WWOX: variants seen among roughly 807,000 people sequenced by gnomAD.
WWOX encodes the protein WW domain-containing oxidoreductase.
In WWOX, 69 loss-of-function variants were observed where a neutral mutation model predicts 46.2. That is an observed-to-expected ratio of 1.49 (90% CI 1.23 to 1.82). The LOEUF is 1.82. Ranked by LOEUF, WWOX falls within the 40% of genes most tolerant of loss-of-function variation. WWOX has a pLI of 0.00. For synonymous variants in WWOX, 359 were observed against 202.6 expected (o/e 1.77, Z -6.56); for missense variants, 919 against 542.6 (o/e 1.69, Z -6.89).
chr16:78,334,833 T>TACACACACACAC (rs907694061), intron 5 of WWOX, among the ~76,000 whole-genome samples: 7 of 104,454 alleles, frequency 6.7e-5, no homozygotes, highest in African/African-American at 1.2e-4. Context: ...CACACACACA[T>TACACACACACAC]ACACACACAC....
At chr16:78,771,303 T>C (rs2161719) in intron 8 of WWOX, among the ~76,000 whole-genome samples, 123,572 of 152,090 alleles carry the variant, frequency 0.81, 50,976 homozygotes, top group Middle Eastern at 0.93. Context: ...TAGGAAGCTA[T>C]CACAGTGATC....
chr16:78,603,701 A>T (rs1325576035), intron 8 of WWOX, among the ~76,000 whole-genome samples: 1 of 152,132 alleles, frequency 6.6e-6, no homozygotes, highest in Non-Finnish European at 1.5e-5. Context: ...CAAAATAAGT[A>T]AATAAATATA....
At chr16:78,689,840 A>G (rs748749513) in intron 8 of WWOX, among the ~76,000 whole-genome samples, 1 of 152,092 alleles carries the variant, frequency 6.6e-6, no homozygotes, top group Non-Finnish European at 1.5e-5. Flanking sequence ...ACAAATGTCA[A>G]GGTAACTTTG....
intron 8 of WWOX, chr16:78,825,207 A>C (rs142018974): frequency 1.2e-5 from 2 of 165,508 alleles, no homozygotes; most frequent in African/African-American, 2.4e-5. Context: ...TTCTTACTGC[A>C]CTGTCCTGAC....
At chr16:78,997,918 C>T (rs1390160651) in intron 8 of WWOX, among the ~76,000 whole-genome samples, 1 of 152,082 alleles carries the variant, frequency 6.6e-6, no homozygotes, top group Non-Finnish European at 1.5e-5. Context: ...CCCTTATTGC[C>T]TAGGCTGGAG....
intron 6 of WWOX, among the ~76,000 whole-genome samples, chr16:78,405,579 A>T (rs2082508327): frequency 6.6e-6 from 1 of 152,238 alleles, no homozygotes; most frequent in African/African-American, 2.4e-5. Flanking sequence ...AGGGCAACAG[A>T]AACAATACAT....
intron 8 of WWOX, among the ~76,000 whole-genome samples, chr16:78,483,586 A>G (rs751068366): frequency 6.6e-6 from 1 of 152,144 alleles, no homozygotes; most frequent in Non-Finnish European, 1.5e-5. Flanking sequence ...CGGAAAATCA[A>G]TAGGGATTAA....
rs986682432 is a variant in WWOX at position 79,189,490 on chromosome 16, A to G, written c.1057-22118A>G. 2.0e-5 allele frequency among the ~76,000 whole-genome samples: 3 copies of G among 149,160 alleles called. No homozygotes were observed. The Admixed American group carries it at 2.0e-4, about 10-fold the overall frequency. On this transcript the variant is annotated intron_variant, in intron 8 of 8. Transcript: ENST00000566780. ...GTGTGTGTGTGTGTTTTGTAGAGAC[A>G]GGGTCTCACTGTGTTGGCCAGGCCG...
chr16:78,422,832 TATATATACATATACACAC>T (rs2082977271), intron 6 of WWOX, among the ~76,000 whole-genome samples: 8 of 110,180 alleles, frequency 7.3e-5, no homozygotes, highest in South Asian at 6.3e-4. Flanking sequence ...CACACATATA[TATATATACATATACACAC>T]ACACACACAC....
intron 8 of WWOX, among the ~76,000 whole-genome samples, chr16:79,169,873 C>T (rs1053516510): frequency 1.3e-5 from 2 of 152,146 alleles, no homozygotes; most frequent in Non-Finnish European, 2.9e-5. Context: ...GTTCTTACAG[C>T]GGGCTTGATG....
intron 7 of WWOX, among the ~76,000 whole-genome samples, chr16:78,430,183 A>T (rs2083182210): frequency 6.6e-6 from 1 of 152,170 alleles, no homozygotes; most frequent in African/African-American, 2.4e-5. Flanking sequence ...GGGAATTCTC[A>T]TTTATAAAAC....
chr16:78,966,072 C>G (rs1010660668), intron 8 of WWOX, among the ~76,000 whole-genome samples: 2 of 152,196 alleles, frequency 1.3e-5, no homozygotes, highest in South Asian at 2.1e-4. Context: ...GTGACCAGCT[C>G]TGAGGATTCC....
intron 8 of WWOX, among the ~76,000 whole-genome samples, chr16:79,158,830 G>A (rs1347471289): frequency 6.6e-6 from 1 of 152,156 alleles, no homozygotes; most frequent in East Asian, 1.9e-4. Context: ...TCATTTGCTT[G>A]TCATCTGTAT....
At chr16:78,325,004 G>C (rs1201041901) in intron 5 of WWOX, among the ~76,000 whole-genome samples, 1 of 152,124 alleles carries the variant, frequency 6.6e-6, no homozygotes. Context: ...CTCAGGGCCC[G>C]AGCTGCTCAT....
At chr16:78,224,954 G>A (rs994037085) in intron 5 of WWOX, among the ~76,000 whole-genome samples, 36 of 152,116 alleles carry the variant, frequency 2.4e-4, no homozygotes, top group Non-Finnish European at 4.7e-4. Flanking sequence ...CTTTACGTTT[G>A]TGAATGGTAA....
chr16:78,406,323 TATATATATATATATATA>T, intron 6 of WWOX, among the ~76,000 whole-genome samples: 1 of 79,562 alleles, frequency 1.3e-5, no homozygotes, highest in African/African-American at 1.6e-4. Context: ...TATATATATA[TATATATATATATATATA>T]TATATATATA....
chr16:79,121,912 C>T (rs2049640879), intron 8 of WWOX, among the ~76,000 whole-genome samples: 1 of 152,084 alleles, frequency 6.6e-6, no homozygotes, highest in Non-Finnish European at 1.5e-5. Flanking sequence ...ATATCCCATC[C>T]AGCCCCCAGC....
intron 8 of WWOX, among the ~76,000 whole-genome samples, chr16:78,827,935 G>C (rs1473815913): frequency 6.6e-6 from 1 of 152,232 alleles, no homozygotes; most frequent in Non-Finnish European, 1.5e-5. Flanking sequence ...AGGAGTCAGA[G>C]TAAGGGGGCT....
intron 8 of WWOX, among the ~76,000 whole-genome samples, chr16:78,495,145 C>CTTT (rs71140804): frequency 5.1e-5 from 6 of 116,616 alleles, no homozygotes; most frequent in African/African-American, 1.8e-4. Flanking sequence ...CTGTTGTGTT[C>CTTT]TTTTTTTTTT....
Sources: allele counts gnomAD v4.1 joint callset (sites outside exome capture counted in the v4.1 genomes callset), GRCh38; gene constraint gnomAD v4.1.1; transcripts MANE v1.5; gene names NCBI Gene and HGNC (gene_info 2026-07-23, HGNC 2026-07-21).